MBD3L1: variants seen among roughly 807,000 people sequenced by gnomAD.
The protein encoded by MBD3L1 is methyl-CpG binding domain protein 3 like 1, also known as methyl-CpG-binding domain protein 3-like 1.
For missense variants in MBD3L1, 203 were observed against 230.1 expected (o/e 0.88, Z 0.76); for synonymous variants, 84 against 85.1 (o/e 0.99, Z 0.07).
intron 1 of MBD3L1, among the ~76,000 whole-genome samples, chr19:8,832,816 C>A (rs2145330829): frequency 6.6e-6 from 1 of 151,988 alleles, no homozygotes; most frequent in African/African-American, 2.4e-5. Context: ...TGAGCGGGAA[C>A]CAGGCTGTGG....
intron 1 of MBD3L1, among the ~76,000 whole-genome samples, chr19:8,834,293 A>G (rs2044429042): frequency 6.6e-6 from 1 of 152,150 alleles, no homozygotes; most frequent in Non-Finnish European, 1.5e-5. Context: ...TTGTGCTGGG[A>G]CAACTAGATG....
chr19:8,842,790 C>A lies in MBD3L1; in HGVS notation c.112C>A (p.Pro38Thr). 6.2e-7 allele frequency: 1 copy of A among 1,614,152 alleles called. No individual in the cohort carries two copies. The highest frequency in any genetic ancestry group is 8.5e-7 in the Non-Finnish European group (1 of 1,180,014). Reference sequence around the variant, plus strand: ...AATGTCCAGTTACACATTCAAGAGGCCAGTAACGAGAATTACACCCCATCC... The same window carrying A: ...AATGTCCAGTTACACATTCAAGAGGACAGTAACGAGAATTACACCCCATCC... The part of the protein sequence containing the change: ...LRMSSYTFKR[P>T]VTRITPHPGN... Residue 38 changes from proline to threonine, a missense_variant, in exon 3 of 3, where the codon CCA becomes ACA. By Grantham distance (38) the Pro-to-Thr change is conservative. Coordinates refer to ENST00000595891, the MANE Select transcript of MBD3L1 (RefSeq NM_001393532.1).
intron 1 of MBD3L1, among the ~76,000 whole-genome samples, chr19:8,840,372 G>A (rs1026426689): frequency 1.3e-5 from 2 of 152,094 alleles, no homozygotes; most frequent in Admixed American, 6.6e-5. Flanking sequence ...CCTGATTGCC[G>A]CTCACTGCAA....
chr19:8,841,031 T>A (rs2145355588), intron 2 of MBD3L1, 32 bp downstream of exon 2: 1 of 151,070 alleles, frequency 6.6e-6, no homozygotes, highest in African/African-American at 2.4e-5. Context: ...TAAATGAATT[T>A]TTTTTTTTTT....
At chr19:8,833,830 A>G (rs2044419266) in intron 1 of MBD3L1, among the ~76,000 whole-genome samples, 1 of 152,148 alleles carries the variant, frequency 6.6e-6, no homozygotes, top group South Asian at 2.1e-4. Context: ...TCTACTAAAA[A>G]TACAAAATTA....
At chr19:8,835,840 T>A (rs1485338390) in intron 1 of MBD3L1, among the ~76,000 whole-genome samples, 2 of 152,210 alleles carry the variant, frequency 1.3e-5, no homozygotes, top group East Asian at 3.8e-4. Flanking sequence ...TTATTATTCA[T>A]CCATTAAACA....
At chr19:8,838,373 A>C (rs1192641700) in intron 1 of MBD3L1, among the ~76,000 whole-genome samples, 1 of 150,990 alleles carries the variant, frequency 6.6e-6, no homozygotes, top group Non-Finnish European at 1.5e-5. Context: ...ATTGCTAAGG[A>C]TGGAGATGTC....
At chr19:8,832,810 C>G (rs2044395271) in intron 1 of MBD3L1, among the ~76,000 whole-genome samples, 1 of 150,132 alleles carries the variant, frequency 6.7e-6, no homozygotes, top group African/African-American at 2.5e-5. Flanking sequence ...CGGGGCTGAG[C>G]GGGAACCAGG....
At chr19:8,839,154 T>TATTTAG (rs57574458) in intron 1 of MBD3L1, among the ~76,000 whole-genome samples, 25,259 of 150,924 alleles carry the variant, frequency 0.17, 2,674 homozygotes, top group East Asian at 0.27. Context: ...ACTTGCCCCG[T>TATTTAG]ATTTAGATTT....
intron 1 of MBD3L1, among the ~76,000 whole-genome samples, chr19:8,838,548 C>A: frequency 6.6e-6 from 1 of 152,162 alleles, no homozygotes; most frequent in Non-Finnish European, 1.5e-5. Flanking sequence ...GCACCTCAGC[C>A]ACAGATGGCA....
intron 1 of MBD3L1, among the ~76,000 whole-genome samples, chr19:8,834,687 A>G (rs751945631): frequency 1.3e-5 from 2 of 152,002 alleles, no homozygotes; most frequent in Non-Finnish European, 2.9e-5. Flanking sequence ...AGAGAATGAA[A>G]TTGGACCTCT....
chr19:8,834,441 C>G (rs1051505823), intron 1 of MBD3L1, among the ~76,000 whole-genome samples: 21 of 151,826 alleles, frequency 1.4e-4, no homozygotes, highest in African/African-American at 5.1e-4. Context: ...AACCCCGTCT[C>G]TACTAAAAAT....
intron 1 of MBD3L1, among the ~76,000 whole-genome samples, chr19:8,839,964 A>T (rs1342532155): frequency 6.6e-6 from 1 of 152,090 alleles, no homozygotes; most frequent in Non-Finnish European, 1.5e-5. Flanking sequence ...CGGGCAGATC[A>T]TGAGGTCAGG....
At chr19:8,841,995 A>G (rs185179043) in intron 2 of MBD3L1, among the ~76,000 whole-genome samples, 1 of 152,008 alleles carries the variant, frequency 6.6e-6, no homozygotes, top group East Asian at 2.0e-4. Flanking sequence ...CAAGAGGTCA[A>G]TGTGTTAAAC....
At chr19:8,837,159 T>C (rs1233626934) in intron 1 of MBD3L1, among the ~76,000 whole-genome samples, 1 of 152,208 alleles carries the variant, frequency 6.6e-6, no homozygotes, top group Non-Finnish European at 1.5e-5. Flanking sequence ...AGTACCAGTT[T>C]CTCAGCAGGT....
At position 8,843,278 on chromosome 19, in the gene MBD3L1, A is replaced by G; in HGVS notation, c.*15A>G. On this transcript the variant is annotated 3_prime_UTR_variant, in exon 3 of 3. Transcript: ENST00000595891. ...AAAAACGCTAAGAAAAAAAGGGAAGATAGTGCAGATGAAATAAAGTGTAAT... is the reference window on the plus strand; with the variant it reads ...AAAAACGCTAAGAAAAAAAGGGAAGGTAGTGCAGATGAAATAAAGTGTAAT... 2.0e-6 allele frequency: 3 copies of G among 1,518,922 alleles called. No individual in the cohort carries two copies. The highest frequency in any genetic ancestry group is 1.7e-4 in the Middle Eastern group (1 of 5,720). The allele number at this position is 1,518,922 out of a possible 1,614,324, so 94.1% of individuals were successfully genotyped here.
Position 8,833,949 on chromosome 19 carries a change from G to A in MBD3L1, c.-107+1427G>A, listed in dbSNP as rs145293599. The stretch of plus-strand genomic sequence containing the variant: ...GTTGAAGTGAGCCGAGATTGCAGCC[G>A]GTGCACTCCAGCCCGGGTGACGAGC... On this transcript the variant is annotated intron_variant, in intron 1 of 2. Transcript: ENST00000595891. 2.0e-3 allele frequency among the ~76,000 whole-genome samples: 309 copies of A among 151,962 alleles called. 2 individuals carry two copies. The highest frequency in any genetic ancestry group is 6.7e-3 in the African/African-American group (277 of 41,412).
chr19:8,836,965 G>A (rs1044929987), intron 1 of MBD3L1, among the ~76,000 whole-genome samples: 12 of 152,100 alleles, frequency 7.9e-5, no homozygotes, highest in Non-Finnish European at 1.8e-4. Context: ...AAAGACAAAG[G>A]CTATGAACCA....
At chr19:8,835,264 C>G (rs2044443378) in intron 1 of MBD3L1, among the ~76,000 whole-genome samples, 1 of 152,062 alleles carries the variant, frequency 6.6e-6, no homozygotes. Flanking sequence ...GTTGGCCAGG[C>G]TGGTCTTGAA....
Sources: gnomAD v4.1 joint callset for allele counts (sites outside exome capture counted in the v4.1 genomes callset) on GRCh38, gnomAD v4.1.1 for gene constraint, MANE v1.5 for transcripts, NCBI Gene and HGNC (gene_info 2026-07-23, HGNC 2026-07-21) for gene names.